HUNK: variants seen among roughly 807,000 people sequenced by gnomAD.
HUNK encodes hormonally up-regulated neu tumor-associated kinase.
HUNK carries 21 observed loss-of-function variants against 61.0 expected under a neutral mutation model. The ratio of observed to expected loss-of-function variants is 0.34; its 90% confidence interval spans 0.24 to 0.50. HUNK has a LOEUF of 0.50. HUNK is among the 20% of genes least tolerant of loss of function. HUNK has a pLI of 0.98. For synonymous variants in HUNK, 371 were observed against 386.1 expected (o/e 0.96, Z 0.46); for missense variants, 772 against 945.7 (o/e 0.82, Z 2.41).
intron 3 of HUNK, among the ~76,000 whole-genome samples, chr21:31,945,029 A>G (rs1167225216): frequency 6.6e-6 from 1 of 151,618 alleles, no homozygotes; most frequent in Non-Finnish European, 1.5e-5. Flanking sequence ...ACTGGACATA[A>G]ATACTGCCGA....
chr21:31,875,304 C>G (rs2052252541), intron 1 of HUNK, among the ~76,000 whole-genome samples: 1 of 152,176 alleles, frequency 6.6e-6, no homozygotes, highest in South Asian at 2.1e-4. Flanking sequence ...CCCTCTTTGT[C>G]TTGGAGCCTT....
At chr21:31,914,821 T>G in intron 1 of HUNK, among the ~76,000 whole-genome samples, 1 of 152,230 alleles carries the variant, frequency 6.6e-6, no homozygotes, top group East Asian at 1.9e-4. Flanking sequence ...TCTAATGACC[T>G]CATTTAACGT....
At chr21:31,941,458 C>T (rs902737774) in intron 3 of HUNK, among the ~76,000 whole-genome samples, 2 of 152,010 alleles carry the variant, frequency 1.3e-5, no homozygotes, top group African/African-American at 4.8e-5. Flanking sequence ...AGGCACCCAG[C>T]ACCACGCCTG....
At chr21:31,878,002 T>C (rs1219587346) in intron 1 of HUNK, among the ~76,000 whole-genome samples, 1 of 152,210 alleles carries the variant, frequency 6.6e-6, no homozygotes, top group Admixed American at 6.5e-5. Flanking sequence ...CTCATGCCTG[T>C]AATCCCAGCA....
In HUNK at chr21:31,998,842, G is replaced by A. The variant is rs56296571; in HGVS notation, c.1803G>A (p.Pro601=). The change falls in exon 11 of 11, where the codon CCG becomes CCA. Residue 601 remains proline (P), a synonymous_variant. Transcript: ENST00000270112. ...ATTCCAGCGAGAGGACGCTGTCCCC[G>A]GGTCTGCCATCCGGAAGCATGTCGC... ...RRNSSERTLS[P]GLPSGSMSPL... is the part of the protein sequence containing the mutation. The A allele has an allele frequency of 2.5e-3, 3,969 of 1,614,110 alleles. 5 individuals carry two copies. Among genetic ancestry groups the A allele is most frequent in the Non-Finnish European group, 3.2e-3 (3,722 of 1,180,030 alleles).
At position 31,934,367 on chromosome 21, in the gene HUNK, C is replaced by T. The variant is rs574821839; in HGVS notation, c.555-5798C>T. Among the ~76,000 whole-genome samples the T allele has an allele frequency of 1.4e-3, 204 of 146,974 alleles. 1 individual carries two copies. Among genetic ancestry groups the T allele is most frequent in the African/African-American group, 5.0e-3 (195 of 39,192 alleles). On this transcript the variant is annotated intron_variant, in intron 2 of 10. Coordinates refer to ENST00000270112, the MANE Select transcript of HUNK (RefSeq NM_014586.2). ...CTGAGGCAGGAGAATGGCATGAACCCGGGAAGCGGAACTTGCAGTGAGCTG... is the reference window on the plus strand; with the variant it reads ...CTGAGGCAGGAGAATGGCATGAACCTGGGAAGCGGAACTTGCAGTGAGCTG...
chr21:31,928,816 G>A (rs1324575303), intron 2 of HUNK, among the ~76,000 whole-genome samples: 1 of 152,142 alleles, frequency 6.6e-6, no homozygotes, highest in Admixed American at 6.5e-5. Flanking sequence ...TTGCTGGAGC[G>A]CTTTCTCATA....
chr21:31,935,912 G>A (rs565530116), intron 2 of HUNK, among the ~76,000 whole-genome samples: 5 of 152,118 alleles, frequency 3.3e-5, no homozygotes, highest in East Asian at 3.9e-4. Flanking sequence ...TCCGCCTCCC[G>A]GGTTCAGGCG....
rs537139958 is a variant in HUNK at position 31,896,792 on chromosome 21, G to A, written c.261+22857G>A. 5.3e-4 allele frequency among the ~76,000 whole-genome samples: 81 copies of A among 152,274 alleles called. 1 individual carries two copies. Among genetic ancestry groups the A allele is most frequent in the South Asian group, 1.4e-3 (7 of 4,828 alleles). On this transcript the variant is annotated intron_variant, in intron 1 of 10. Transcript: ENST00000270112. ...GACACATGACTTGTGATTACTTTGC[G>A]TATGATTTGTGTGAACCCAAAAGAT...
intron 6 of HUNK, chr21:31,974,340 A>T (rs1234830756): frequency 5.1e-6 from 2 of 390,956 alleles, no homozygotes; most frequent in Admixed American, 8.8e-5. Context: ...AAATGCAAGG[A>T]TGGCAAAGTG....
chr21:31,906,897 C>T lies in HUNK; in HGVS notation c.262-17571C>T, dbSNP rs566237274. Among the ~76,000 whole-genome samples, 9 of 151,174 alleles carry T rather than the reference C, an allele frequency of 6.0e-5. No homozygotes were observed. In the South Asian group the frequency reaches 1.1e-3, roughly 18 times the overall value. On this transcript the variant is annotated intron_variant, in intron 1 of 10. Coordinates refer to ENST00000270112, the MANE Select transcript of HUNK (RefSeq NM_014586.2). Reference sequence around the variant, plus strand: ...CACTTGAAATGTGCCTGGTCTGGCCCGGTGTGGTGGCTCACACCTGTAATC... The same window carrying T: ...CACTTGAAATGTGCCTGGTCTGGCCTGGTGTGGTGGCTCACACCTGTAATC...
intron 8 of HUNK, among the ~76,000 whole-genome samples, chr21:31,988,237 C>T (rs951833369): frequency 2.0e-5 from 3 of 152,090 alleles, no homozygotes; most frequent in Admixed American, 6.6e-5. Flanking sequence ...AAAAGAGAAC[C>T]CCCCAGGACT....
In HUNK at chr21:31,892,162, A is replaced by ATATAT. The variant is rs1555875740; in HGVS notation, c.261+18227_261+18228insTATAT. On this transcript the variant is annotated intron_variant, in intron 1 of 10. Coordinates refer to ENST00000270112, the MANE Select transcript of HUNK (RefSeq NM_014586.2). ...GAGAATTTGGTTAAAAAAAAAAAAA[A>ATATAT]ATATATATATATATATATAGAGAGA... is the stretch of plus-strand genomic sequence containing the variant. 1.0e-3 allele frequency among the ~76,000 whole-genome samples: 119 copies of ATATAT among 114,028 alleles called. 1 individual carries two copies. Among genetic ancestry groups the ATATAT allele is most frequent in the African/African-American group, 3.8e-3 (108 of 28,736 alleles). The allele number at this position is 114,028 out of a possible 152,430, so 74.8% of individuals were successfully genotyped here. A position where few individuals can be genotyped will look rare whatever the true frequency, so the allele number is the denominator to read the frequency against.
intron 5 of HUNK, among the ~76,000 whole-genome samples, chr21:31,963,820 A>G (rs1053639976): frequency 1.3e-5 from 2 of 152,186 alleles, no homozygotes; most frequent in Non-Finnish European, 2.9e-5. Context: ...TGTAATGATC[A>G]TATCTATTAA....
intron 7 of HUNK, among the ~76,000 whole-genome samples, chr21:31,976,613 C>A (rs1334568548): frequency 6.6e-6 from 1 of 151,128 alleles, no homozygotes; most frequent in Non-Finnish European, 1.5e-5. Context: ...ACCACAGGCA[C>A]GTGCCACCAC....
rs545045520 is a variant in HUNK, at chr21:31,957,727, G to C, written c.747-1116G>C. Among the ~76,000 whole-genome samples, 12 of 152,288 alleles carry C rather than the reference G, an allele frequency of 7.9e-5. 1 individual carries two copies. In the East Asian group the frequency reaches 1.5e-3, roughly 20 times the overall value. ...GTTTCTATTCTGTAGATTGGCTTTG[G>C]ATAGGTGCAGTTAAGCTTACTCAGA... On this transcript the variant is annotated intron_variant, in intron 4 of 10. Coordinates refer to ENST00000270112, the MANE Select transcript of HUNK (RefSeq NM_014586.2).
intron 7 of HUNK, among the ~76,000 whole-genome samples, chr21:31,979,728 G>A (rs1335008850): frequency 2.6e-5 from 4 of 151,412 alleles, no homozygotes; most frequent in Non-Finnish European, 5.9e-5. Context: ...TGTTAGCCAG[G>A]ATGGTCTCAA....
In HUNK at chr21:31,919,728, G is replaced by T. The variant is rs75924265; in HGVS notation, c.262-4740G>T. On this transcript the variant is annotated intron_variant, in intron 1 of 10. Transcript: ENST00000270112. Reference sequence around the variant, plus strand: ...TCTGCTCTCCGTGGGTCTCATGGACGTGCGGGAGCAGAGGGGACGGTGGAG... The same window carrying T: ...TCTGCTCTCCGTGGGTCTCATGGACTTGCGGGAGCAGAGGGGACGGTGGAG... Among the ~76,000 whole-genome samples, 594 of 152,262 alleles carry T rather than the reference G, an allele frequency of 3.9e-3. 5 individuals carry two copies. The highest frequency in any genetic ancestry group is 4.7e-3 in the Non-Finnish European group (319 of 68,022).
At chr21:31,995,410 T>C (rs2053197690) in intron 9 of HUNK, among the ~76,000 whole-genome samples, 2 of 152,342 alleles carry the variant, frequency 1.3e-5, no homozygotes, top group Non-Finnish European at 2.9e-5. Context: ...GCAGGCACAA[T>C]CTTTAAATGT....
Sources: allele counts gnomAD v4.1 joint callset (sites outside exome capture counted in the v4.1 genomes callset), GRCh38; gene constraint gnomAD v4.1.1; transcripts MANE v1.5; gene names NCBI Gene and HGNC (gene_info 2026-07-23, HGNC 2026-07-21).